Variants in TCERG1L observed in about 807,000 individuals in gnomAD.
TCERG1L encodes transcription elongation regulator 1 like, also known as transcription elongation regulator 1-like protein.
Under a neutral mutation model 56.3 loss-of-function variants are expected in TCERG1L, and 37 were observed. That is an observed-to-expected ratio of 0.66 (90% CI 0.51 to 0.87). The LOEUF is 0.87. TCERG1L is among the 40% of genes least tolerant of loss of function. The pLI is 0.00. For synonymous variants in TCERG1L, 324 were observed against 326.3 expected (o/e 0.99, Z 0.08); for missense variants, 799 against 774.2 (o/e 1.03, Z -0.38).
intron 6 of TCERG1L, among the ~76,000 whole-genome samples, chr10:131,150,781 T>C (rs1475287862): frequency 6.6e-6 from 1 of 152,182 alleles, no homozygotes; most frequent in Non-Finnish European, 1.5e-5. Context: ...ATGAGTCCAT[T>C]CTCACATTGC....
chr10:131,155,600 C>T (rs904457016), intron 6 of TCERG1L, among the ~76,000 whole-genome samples: 2 of 152,246 alleles, frequency 1.3e-5, no homozygotes, highest in African/African-American at 4.8e-5. Flanking sequence ...TTTCCTCAAA[C>T]CCAGGGACTC....
intron 7 of TCERG1L, among the ~76,000 whole-genome samples, chr10:131,145,604 A>G (rs1434771525): frequency 6.6e-6 from 1 of 152,266 alleles, no homozygotes. Context: ...CTGAAGCTTC[A>G]GTCAAATACC....
At chr10:131,308,424 G>A (rs1846838676) in intron 2 of TCERG1L, 33 bp from the exon 3 acceptor site, 1 of 1,585,096 alleles carries the variant, frequency 6.3e-7, no homozygotes, top group Non-Finnish European at 8.6e-7. Flanking sequence ...TAACACTGAA[G>A]GCAAGGTGCA....
intron 8 of TCERG1L, among the ~76,000 whole-genome samples, chr10:131,117,973 G>C (rs898779137): frequency 6.6e-6 from 1 of 152,054 alleles, no homozygotes. Flanking sequence ...GGGCAGGTCC[G>C]TCGGCTGCCA....
At chr10:131,302,978 T>C (rs373320277) in intron 3 of TCERG1L, among the ~76,000 whole-genome samples, 1 of 152,072 alleles carries the variant, frequency 6.6e-6, no homozygotes, top group Non-Finnish European at 1.5e-5. Context: ...TATGGCTGCA[T>C]AGTATTCCAC....
intron 4 of TCERG1L, among the ~76,000 whole-genome samples, chr10:131,233,896 C>T (rs1384097959): frequency 6.6e-6 from 1 of 152,168 alleles, no homozygotes; most frequent in Non-Finnish European, 1.5e-5. Context: ...TGCATTCTCG[C>T]TCTGGACAGA....
At chr10:131,181,706 C>G (rs986311429) in intron 4 of TCERG1L, among the ~76,000 whole-genome samples, 1 of 152,228 alleles carries the variant, frequency 6.6e-6, no homozygotes. Flanking sequence ...GGGCCAGGAG[C>G]AGGGAGAGGC....
At chr10:131,100,198 A>G (rs917236437) in intron 10 of TCERG1L, among the ~76,000 whole-genome samples, 1 of 152,232 alleles carries the variant, frequency 6.6e-6, no homozygotes, top group African/African-American at 2.4e-5. Flanking sequence ...CAAGGCAAAT[A>G]GCAATGTAAG....
intron 9 of TCERG1L, among the ~76,000 whole-genome samples, chr10:131,105,946 T>A (rs1199200427): frequency 6.6e-6 from 1 of 152,170 alleles, no homozygotes; most frequent in African/African-American, 2.4e-5. Context: ...GGGCATCTCC[T>A]TAATTTCTGC....
intron 7 of TCERG1L, among the ~76,000 whole-genome samples, chr10:131,144,946 C>A (rs940453892): frequency 6.6e-6 from 1 of 152,194 alleles, no homozygotes; most frequent in Non-Finnish European, 1.5e-5. Flanking sequence ...GCAGATGCCT[C>A]CCTACCTCTT....
At chr10:131,248,355 C>T (rs1166182177) in intron 4 of TCERG1L, among the ~76,000 whole-genome samples, 2 of 152,180 alleles carry the variant, frequency 1.3e-5, no homozygotes, top group African/African-American at 4.8e-5. Flanking sequence ...AGAGCCAGGA[C>T]AATGACAGAA....
intron 7 of TCERG1L, among the ~76,000 whole-genome samples, chr10:131,143,460 C>G (rs1183648924): frequency 6.6e-6 from 1 of 152,110 alleles, no homozygotes; most frequent in Non-Finnish European, 1.5e-5. Context: ...CTCGAGGGCC[C>G]CAGCTCCAAC....
At chr10:131,276,787 T>C (rs901950214) in intron 3 of TCERG1L, among the ~76,000 whole-genome samples, 1 of 152,198 alleles carries the variant, frequency 6.6e-6, no homozygotes, top group African/African-American at 2.4e-5. Context: ...TCCATGACTG[T>C]CCGGGACGGT....
At chr10:131,296,463 A>G (rs1359925547) in intron 3 of TCERG1L, among the ~76,000 whole-genome samples, 3 of 152,166 alleles carry the variant, frequency 2.0e-5, no homozygotes, top group Non-Finnish European at 4.4e-5. Context: ...ATGGTCTACT[A>G]CGATGTTCTA....
intron 7 of TCERG1L, 25 bp downstream of exon 7, chr10:131,146,481 T>A: frequency 6.3e-7 from 1 of 1,579,718 alleles, no homozygotes; most frequent in Non-Finnish European, 8.6e-7. Flanking sequence ...TCAAAGGAGG[T>A]GTAAATAACC....
At chr10:131,184,789 G>A (rs1022971174) in intron 4 of TCERG1L, among the ~76,000 whole-genome samples, 1 of 152,202 alleles carries the variant, frequency 6.6e-6, no homozygotes, top group African/African-American at 2.4e-5. Flanking sequence ...CCTCACAGAG[G>A]AGGCTGTGGG....
intron 4 of TCERG1L, among the ~76,000 whole-genome samples, chr10:131,254,812 G>A (rs915365945): frequency 6.6e-6 from 1 of 152,198 alleles, no homozygotes; most frequent in Non-Finnish European, 1.5e-5. Context: ...GTGGCAGGGG[G>A]TGAAAAAGGT....
chr10:131,225,278 G>A (rs1845779337), intron 4 of TCERG1L, among the ~76,000 whole-genome samples: 1 of 152,144 alleles, frequency 6.6e-6, no homozygotes, highest in African/African-American at 2.4e-5. Flanking sequence ...ACATCCAATT[G>A]CTAAGTCCAG....
intron 3 of TCERG1L, among the ~76,000 whole-genome samples, chr10:131,268,072 C>G (rs1210334164): frequency 6.6e-6 from 1 of 152,114 alleles, no homozygotes; most frequent in Admixed American, 6.5e-5. Flanking sequence ...GGAGGGATTC[C>G]CAGTCCCCTA....
Sources: gnomAD v4.1 joint callset for allele counts (sites outside exome capture counted in the v4.1 genomes callset) on GRCh38, gnomAD v4.1.1 for gene constraint, MANE v1.5 for transcripts, NCBI Gene and HGNC (gene_info 2026-07-23, HGNC 2026-07-21) for gene names.